FAM83F: variants seen among roughly 807,000 people sequenced by gnomAD.
The protein encoded by FAM83F is scaffolding CK1 anchoring protein F, also known as protein FAM83F.
In FAM83F, 45 loss-of-function variants were observed where a neutral mutation model predicts 42.9. The observed-to-expected ratio is 1.05, with a 90% CI of 0.83 to 1.35. FAM83F has a LOEUF of 1.35. Among genes scored for constraint, FAM83F ranks in the 40% most tolerant of loss-of-function variants. The probability of loss-of-function intolerance (pLI) is 0.00; values close to 1 mark genes in which losing one functional copy is unlikely to be tolerated. For synonymous variants in FAM83F, 306 were observed against 298.3 expected, an observed-to-expected ratio of 1.03 and a Z score of -0.27; for missense variants, 617 against 695.9, an observed-to-expected ratio of 0.89 and a Z score of 1.28.
chr22:40,002,743 G>A (rs2958661), intron 1 of FAM83F, among the ~76,000 whole-genome samples: 12,393 of 152,200 alleles, frequency 0.081, 1,688 homozygotes, highest in African/African-American at 0.28. Context: ...AAATTGTTCT[G>A]AGAACCTAGT....
intron 1 of FAM83F, among the ~76,000 whole-genome samples, chr22:40,013,637 T>G (rs1297689136): frequency 6.6e-6 from 1 of 152,232 alleles, no homozygotes; most frequent in Non-Finnish European, 1.5e-5. Context: ...TGTGGATCTT[T>G]ATTCTTCTTT....
chr22:39,997,141 G>C (rs2067376452), intron 1 of FAM83F, among the ~76,000 whole-genome samples: 1 of 152,192 alleles, frequency 6.6e-6, no homozygotes, highest in South Asian at 2.1e-4. Context: ...GTAAGTGGCT[G>C]AGCCAGGACC....
rs371318214 is a variant in FAM83F at position 39,995,081 on chromosome 22, C to G, written c.39C>G (p.His13Gln). 1.5e-6 allele frequency: 2 copies of G among 1,348,066 alleles called. No individual in the cohort carries two copies. The highest frequency in any genetic ancestry group is 1.9e-5 in the South Asian group (1 of 52,090). 83.5% of individuals were successfully genotyped at this position (1,348,066 alleles called of 1,614,324 possible). The change falls in exon 1 of 5, where the codon CAC becomes CAG. Residue 13 changes from histidine to glutamine, a missense_variant. Physicochemically the swap from His to Gln is conservative, Grantham distance 24 (BLOSUM62 0). Coordinates refer to ENST00000333407, the MANE Select transcript of FAM83F (RefSeq NM_138435.4). The surrounding 1 kb of genome is among the most constrained non-coding windows in gnomAD (Gnocchi z 4.6). ...AGCTGAACTGCCTGGACGAGGCGCA[C>G]GTGAACGAGAAGGTGACCGAGGCGC... ...ESQLNCLDEAHVNEKVTEAQA... is the reference protein window; with the variant it reads ...ESQLNCLDEAQVNEKVTEAQA...
At chr22:40,000,530 A>C (rs528391251) in intron 1 of FAM83F, among the ~76,000 whole-genome samples, 1 of 152,214 alleles carries the variant, frequency 6.6e-6, no homozygotes, top group Non-Finnish European at 1.5e-5. Context: ...ATTCAGCTAC[A>C]CTGGCAAACA....
intron 4 of FAM83F, 60 bp downstream of exon 4, chr22:40,022,023 G>T: frequency 7.1e-7 from 1 of 1,415,682 alleles, no homozygotes; most frequent in Non-Finnish European, 9.4e-7. Context: ...GCCCCGCATC[G>T]GCTCTTATCC....
intron 1 of FAM83F, chr22:39,998,726 T>G (rs1441525564): frequency 6.6e-6 from 1 of 152,186 alleles, no homozygotes; most frequent in Non-Finnish European, 1.5e-5. Flanking sequence ...TTGTTTTGTT[T>G]TGTTTCCTTT....
At chr22:40,005,648 C>T (rs945257104) in intron 1 of FAM83F, among the ~76,000 whole-genome samples, 3 of 152,208 alleles carry the variant, frequency 2.0e-5, no homozygotes, top group African/African-American at 7.2e-5. Context: ...GTGATGGCCT[C>T]ACTGGATCAG....
At chr22:39,996,178 G>A (rs145706265) in intron 1 of FAM83F, among the ~76,000 whole-genome samples, 1 of 152,314 alleles carries the variant, frequency 6.6e-6, no homozygotes, top group East Asian at 1.9e-4. Flanking sequence ...ACCTGACTCG[G>A]CAGCTCAGGA....
intron 1 of FAM83F, among the ~76,000 whole-genome samples, chr22:40,007,577 CTCTCCTCCTCCTCTCT>C (rs1569231181): frequency 6.9e-4 from 20 of 29,046 alleles, no homozygotes; most frequent in African/African-American, 1.4e-3. Flanking sequence ...TCCTCCTCTC[CTCTCCTCCTCCTCTCT>C]TCTCCTCCTC....
intron 2 of FAM83F, 82 bp downstream of exon 2, chr22:40,019,417 C>A: frequency 1.5e-6 from 2 of 1,350,320 alleles, no homozygotes; most frequent in Non-Finnish European, 2.1e-6. Context: ...TCCCCCCTGC[C>A]TCTTCCCTGA....
chr22:40,009,172 G>GC (rs1037845168), intron 1 of FAM83F, among the ~76,000 whole-genome samples: 5 of 152,114 alleles, frequency 3.3e-5, no homozygotes, highest in African/African-American at 1.2e-4. Flanking sequence ...AGGCGACTCG[G>GC]CCCCAGGCGC....
intron 1 of FAM83F, among the ~76,000 whole-genome samples, chr22:40,017,534 T>G (rs902319982): frequency 6.6e-6 from 1 of 152,232 alleles, no homozygotes; most frequent in African/African-American, 2.4e-5. Flanking sequence ...TGCCTGGCCC[T>G]GCACTCAGCA....
chr22:40,022,890 C>T (rs903089485), intron 4 of FAM83F, among the ~76,000 whole-genome samples: 1 of 152,188 alleles, frequency 6.6e-6, no homozygotes, highest in Admixed American at 6.5e-5. Context: ...TCCTGCACAC[C>T]AGCTTTAACC....
chr22:40,010,386 G>A (rs1447583347), intron 1 of FAM83F, among the ~76,000 whole-genome samples: 1 of 152,204 alleles, frequency 6.6e-6, no homozygotes, highest in Admixed American at 6.5e-5. Flanking sequence ...GACCAAAGCG[G>A]AGGGTAATTA....
chr22:40,024,647 A>T (rs987483542), intron 4 of FAM83F, among the ~76,000 whole-genome samples: 1 of 151,888 alleles, frequency 6.6e-6, no homozygotes, highest in Admixed American at 6.6e-5. Flanking sequence ...AAGGTGGGGG[A>T]GTGCACCATT....
At chr22:40,013,534 A>C (rs1601767433) in intron 1 of FAM83F, among the ~76,000 whole-genome samples, 2 of 152,198 alleles carry the variant, frequency 1.3e-5, no homozygotes, top group African/African-American at 4.8e-5. Flanking sequence ...CAAGTAATTC[A>C]ATTCTTATTG....
rs1184227325 is a variant in FAM83F, at chr22:40,037,991, T to C, written c.*8426T>C. 1 of 152,312 alleles carries C rather than the reference T, an allele frequency of 6.6e-6. No individual in the cohort carries two copies. The highest frequency in any genetic ancestry group is 1.5e-5 in the Non-Finnish European group (1 of 68,098). 9.4% of individuals were successfully genotyped at this position (152,312 alleles called of 1,614,324 possible). On this transcript the variant is annotated 3_prime_UTR_variant, in exon 5 of 5. Transcript: ENST00000333407. ...CCTCAGCCTCCCAAGTAGCTGGGCT[T>C]ACAGATGTGAGCCACTGCACCTGCT...
intron 3 of FAM83F, among the ~76,000 whole-genome samples, chr22:40,020,357 ATTTTTTT>A (rs552816341): frequency 1.7e-4 from 20 of 116,404 alleles, no homozygotes; most frequent in African/African-American, 2.3e-4. Flanking sequence ...TGTCGCCAGA[ATTTTTTT>A]TTTTTTTTTT....
chr22:40,017,879 C>T (rs1474716470), intron 1 of FAM83F, among the ~76,000 whole-genome samples: 3 of 152,200 alleles, frequency 2.0e-5, no homozygotes, highest in African/African-American at 4.8e-5. Context: ...AGTGACTTGC[C>T]TAAGGTCACA....
Sources: gnomAD v4.1 joint callset for allele counts (sites outside exome capture counted in the v4.1 genomes callset) on GRCh38, gnomAD v4.1.1 for gene constraint, Gnocchi (gnomAD v3.1) non-coding constraint, MANE v1.5 for transcripts, NCBI Gene and HGNC (gene_info 2026-07-23, HGNC 2026-07-21) for gene names.